NOS1AP: variants seen among roughly 807,000 people sequenced by gnomAD.
NOS1AP encodes nitric oxide synthase 1 adaptor protein.
NOS1AP carries 21 observed loss-of-function variants against 56.2 expected under a neutral mutation model. The ratio of observed to expected loss-of-function variants is 0.37; its 90% CI spans 0.26 to 0.54. The LOEUF (loss-of-function observed/expected upper bound fraction) is 0.54. Among genes scored for constraint, NOS1AP ranks in the 20% least tolerant of loss-of-function variants. The pLI, the probability that NOS1AP is intolerant of heterozygous loss-of-function variation, is 0.84. For missense variants in NOS1AP, 522 were observed against 657.8 expected, an observed-to-expected ratio of 0.79 and a Z score of 2.26; for synonymous variants, 270 against 274.6, an observed-to-expected ratio of 0.98 and a Z score of 0.17.
At chr1:162,167,307 A>G (rs1479546289) in intron 2 of NOS1AP, among the ~76,000 whole-genome samples, 2 of 152,254 alleles carry the variant, frequency 1.3e-5, no homozygotes, top group Non-Finnish European at 2.9e-5. Flanking sequence ...TAATCCTCTC[A>G]TCACCTGAGG....
chr1:162,349,943 C>T (rs1036551209), intron 6 of NOS1AP, among the ~76,000 whole-genome samples: 2 of 152,210 alleles, frequency 1.3e-5, no homozygotes, highest in African/African-American at 4.8e-5. Context: ...ACTGCCTAGC[C>T]CATTAGTCAC....
In NOS1AP at chr1:162,261,527, A is replaced by AG. The variant is rs1654233834; in HGVS notation, c.178-25816dup. ...GAGAGAGAGAGAGAGAGAGAGAGAG[A>AG]GAGAGAGAGAGAGAGAGAGCAATGA... On this transcript the variant is annotated intron_variant, in intron 2 of 9. Transcript: ENST00000361897. 4.9e-5 allele frequency among the ~76,000 whole-genome samples: 2 copies of AG among 41,046 alleles called. 1 individual carries two copies. Among genetic ancestry groups the AG allele is most frequent in the Non-Finnish European group, 1.4e-4 (2 of 14,194 alleles). The allele number at this position is 41,046 out of a possible 152,430, so 26.9% of individuals were successfully genotyped here. A position where few individuals can be genotyped will look rare whatever the true frequency, so the allele number is the denominator to read the frequency against.
chr1:162,312,354 TG>T (rs1656065332), intron 4 of NOS1AP, among the ~76,000 whole-genome samples: 1 of 143,612 alleles, frequency 7.0e-6, no homozygotes, highest in Non-Finnish European at 1.5e-5. Flanking sequence ...CATTTTTTCA[TG>T]TGTTTTTTGG....
At chr1:162,175,192 T>C (rs182017642) in intron 2 of NOS1AP, among the ~76,000 whole-genome samples, 47 of 152,118 alleles carry the variant, frequency 3.1e-4, no homozygotes, top group African/African-American at 1.1e-3. Flanking sequence ...TGCACTTACA[T>C]GCACTTACAG....
intron 2 of NOS1AP, among the ~76,000 whole-genome samples, chr1:162,238,460 C>T (rs4384216): frequency 0.98 from 148,538 of 152,200 alleles, 72,659 homozygotes; most frequent in Non-Finnish European, 1. Context: ...AACATACTAC[C>T]GGCAACTGCT....
chr1:162,140,151 A>G (rs1649176750), intron 1 of NOS1AP, among the ~76,000 whole-genome samples: 1 of 152,100 alleles, frequency 6.6e-6, no homozygotes, highest in South Asian at 2.1e-4. Flanking sequence ...TTTGTTTTCT[A>G]AAGCATTTCT....
chr1:162,311,256 T>A (rs1041045293), intron 4 of NOS1AP, among the ~76,000 whole-genome samples: 2 of 152,184 alleles, frequency 1.3e-5, no homozygotes, highest in African/African-American at 4.8e-5. Flanking sequence ...TGCAGTATCA[T>A]CTACCACTTC....
Position 162,188,437 on chromosome 1 carries a change from G to A in NOS1AP, c.177+33961G>A, listed in dbSNP as rs1039712868. Among the ~76,000 whole-genome samples the A allele has an allele frequency of 6.6e-6, 1 of 152,106 alleles. No homozygotes were observed. The highest frequency in any genetic ancestry group is 6.5e-5 in the Admixed American group (1 of 15,272). On this transcript the variant is annotated intron_variant, in intron 2 of 9. Coordinates refer to ENST00000361897, the MANE Select transcript of NOS1AP (RefSeq NM_014697.3). The surrounding 1 kb of genome is among the most constrained non-coding windows in gnomAD (Gnocchi z 4.0). The stretch of plus-strand genomic sequence containing the variant: ...ATGCTCTGTTGTTAATATCTTATAA[G>A]ACCTGGATCACTTGCTTTATTGAAA...
rs747101836 is a variant in NOS1AP at position 162,221,509 on chromosome 1, AAC to A, written c.178-65826_178-65825del. Among the ~76,000 whole-genome samples, 10 of 140,022 alleles carry A rather than the reference AAC, an allele frequency of 7.1e-5. No individual in the cohort carries two copies. The South Asian group carries it at 1.1e-3, about 16-fold the overall frequency. The allele number at this position is 140,022 out of a possible 152,430, so 91.9% of individuals were successfully genotyped here. On this transcript the variant is annotated intron_variant, in intron 2 of 9. Coordinates refer to ENST00000361897, the MANE Select transcript of NOS1AP (RefSeq NM_014697.3). ...AATCTCTCATTTCTTTTTTTAATGC[AAC>A]ACACACACGCACACACACGCGCGCA...
At chr1:162,324,642 C>A (rs994277036) in intron 4 of NOS1AP, among the ~76,000 whole-genome samples, 18 of 152,038 alleles carry the variant, frequency 1.2e-4, no homozygotes, top group African/African-American at 4.1e-4. Flanking sequence ...CTTAGCTAGA[C>A]TTTCAGAAGA....
intron 3 of NOS1AP, among the ~76,000 whole-genome samples, chr1:162,295,951 T>A (rs1456023539): frequency 6.6e-6 from 1 of 150,764 alleles, no homozygotes. Flanking sequence ...AGTTCTAAAG[T>A]TCTTGGACTA....
In NOS1AP at chr1:162,296,304, A is replaced by G. The variant is rs1160553972; in HGVS notation, c.271-4329A>G. ...CTGTCTCAAAAACAAAAAAAGCTCC[A>G]ACAGTATTTGCATTAGCTTCTTGAA... On this transcript the variant is annotated intron_variant, in intron 3 of 9. Coordinates refer to ENST00000361897, the MANE Select transcript of NOS1AP (RefSeq NM_014697.3). Among the ~76,000 whole-genome samples the G allele has an allele frequency of 2.6e-5, 4 of 152,318 alleles. No homozygotes were observed. In the South Asian group the frequency reaches 6.2e-4, roughly 24 times the overall value.
intron 5 of NOS1AP, 53 bp from the exon 6 acceptor site, chr1:162,343,782 C>T (rs1361436074): frequency 6.2e-7 from 1 of 1,604,708 alleles, no homozygotes; most frequent in Admixed American, 1.7e-5. Context: ...TTTCTATCCA[C>T]ATGCCCCTTG....
At chr1:162,135,573 A>G (rs1457748929) in intron 1 of NOS1AP, among the ~76,000 whole-genome samples, 1 of 152,150 alleles carries the variant, frequency 6.6e-6, no homozygotes, top group East Asian at 1.9e-4. Flanking sequence ...GCATCTCCCA[A>G]GGGGGCAGCC....
At chr1:162,152,945 T>A (rs1310840222) in intron 1 of NOS1AP, among the ~76,000 whole-genome samples, 1 of 152,050 alleles carries the variant, frequency 6.6e-6, no homozygotes, top group Non-Finnish European at 1.5e-5. Flanking sequence ...TTCTAGTATA[T>A]CCCTTGGGCT....
intron 1 of NOS1AP, among the ~76,000 whole-genome samples, chr1:162,148,537 G>C (rs1019497116): frequency 2.4e-4 from 37 of 152,206 alleles, no homozygotes; most frequent in Non-Finnish European, 1.9e-4. Context: ...AGGAACATGT[G>C]TAGATGCCCT....
intron 2 of NOS1AP, among the ~76,000 whole-genome samples, chr1:162,270,010 A>G (rs779217162): frequency 6.6e-6 from 1 of 152,222 alleles, no homozygotes; most frequent in Non-Finnish European, 1.5e-5. Flanking sequence ...GACTATGACT[A>G]TTATTTGTAA....
At chr1:162,104,981 G>A (rs1172418925) in intron 1 of NOS1AP, among the ~76,000 whole-genome samples, 1 of 152,064 alleles carries the variant, frequency 6.6e-6, no homozygotes, top group African/African-American at 2.4e-5. Flanking sequence ...AAGGAGAAGG[G>A]GCATTCTGGT....
At chr1:162,134,865 G>T (rs1046042064) in intron 1 of NOS1AP, among the ~76,000 whole-genome samples, 2 of 152,226 alleles carry the variant, frequency 1.3e-5, no homozygotes, top group Middle Eastern at 3.4e-3. Context: ...GCAATGCAAG[G>T]CCTTCATGAC....
Sources: gnomAD v4.1 joint callset for allele counts (sites outside exome capture counted in the v4.1 genomes callset) on GRCh38, gnomAD v4.1.1 for gene constraint, Gnocchi (gnomAD v3.1) non-coding constraint, MANE v1.5 for transcripts, NCBI Gene and HGNC (gene_info 2026-07-23, HGNC 2026-07-21) for gene names.